Variants in JAK2 observed in about 807,000 individuals in gnomAD.
The protein encoded by JAK2 is Janus kinase 2, also known as tyrosine-protein kinase JAK2.
In JAK2, 86 loss-of-function variants were observed where a neutral mutation model predicts 139.3. That is an observed-to-expected ratio of 0.62 (90% CI 0.52 to 0.74). The LOEUF (loss-of-function observed/expected upper bound fraction) is 0.74, where lower values mean the gene tolerates loss of function less well. Among genes scored for constraint, JAK2 ranks in the 30% least tolerant of loss-of-function variants. JAK2 has a pLI of 0.00. For missense variants in JAK2, 1,421 were observed against 1,360.3 expected (o/e 1.04, Z -0.70); for synonymous variants, 490 against 437.7 (o/e 1.12, Z -1.49).
intron 22 of JAK2, among the ~76,000 whole-genome samples, chr9:5,093,449 G>T (rs540477749): frequency 6.6e-6 from 1 of 152,282 alleles, no homozygotes; most frequent in Non-Finnish European, 1.5e-5. Context: ...TGTCATGAGG[G>T]TTCAGCTGTC....
chr9:5,107,909 A>G (rs1354122537), intron 22 of JAK2: 1 of 152,152 alleles, frequency 6.6e-6, no homozygotes, highest in African/African-American at 2.4e-5. Context: ...TTACACACAA[A>G]ATCTAAATTT....
In JAK2 at chr9:5,050,692, C is replaced by T. The variant is rs201191238; in HGVS notation, c.475C>T (p.His159Tyr). The stretch of plus-strand genomic sequence containing the variant: ...TTCAAATTTTTGGTTTTAGTGGCGG[C>T]ATGATTTTGTGCACGGATGGATAAA... ...VMSYLFAQWR[H>Y]DFVHGWIKVP... Residue 159 changes from histidine (H) to tyrosine (Y), a missense_variant, in exon 6 of 25, where the codon CAT (histidine) becomes TAT (tyrosine). Physicochemically the swap from His to Tyr is moderately conservative, Grantham distance 83. Transcript: ENST00000381652. 1 of 1,611,438 alleles carries T rather than the reference C, an allele frequency of 6.2e-7. No homozygotes were observed. The highest frequency in any genetic ancestry group is 1.3e-5 in the African/African-American group (1 of 74,838).
intron 17 of JAK2, 49 bp downstream of exon 17, chr9:5,080,429 T>C: frequency 2.6e-6 from 4 of 1,552,706 alleles, no homozygotes; most frequent in Non-Finnish European, 3.5e-6. Context: ...TGAACTTTCA[T>C]ATTTCTTTCA....
Position 5,054,743 on chromosome 9 carries a change from C to T in JAK2, c.795C>T (p.Phe265=), listed in dbSNP as rs1817644153. 1 of 1,613,300 alleles carries T rather than the reference C, an allele frequency of 6.2e-7. No homozygotes were observed. The change falls in exon 7 of 25, where the codon TTC becomes TTT. Residue 265 remains phenylalanine (F), a synonymous_variant. Coordinates refer to ENST00000381652, the MANE Select transcript of JAK2 (RefSeq NM_004972.4). The surrounding 1 kb of genome is among the most constrained non-coding windows in gnomAD (Gnocchi z 4.9). ...LINLETLQSA[F]YTEKFEVKEP... The stretch of plus-strand genomic sequence containing the variant: ...ATCTGGAAACTCTGCAGTCTGCCTT[C>T]TACACAGAGAAATTTGAAGTAAAAG...
At chr9:5,064,838 T>C (rs1818454095) in intron 8 of JAK2, 45 bp from the exon 9 acceptor site, 2 of 1,403,800 alleles carry the variant, frequency 1.4e-6, no homozygotes, top group Admixed American at 2.5e-5. Flanking sequence ...TAACATGGAG[T>C]TGACTTTCTA....
rs753281669 is a variant in JAK2, at chr9:5,072,559, A to G, written c.1709A>G (p.Tyr570Cys). The change falls in exon 13 of 25, where the codon TAC becomes TGC. Residue 570 changes from tyrosine to cysteine, a missense_variant. Tyr to Cys is a radical substitution (Grantham distance 194). Transcript: ENST00000381652. The part of the protein sequence containing the change: ...FKGVRREVGD[Y>C]GQLHETEVLL... ...GGCGTACGAAGAGAAGTAGGAGACT[A>G]CGGTCAACTGCATGAAACAGAAGTT... 1 of 1,611,348 alleles carries G rather than the reference A, an allele frequency of 6.2e-7. No individual in the cohort carries two copies. The highest frequency in any genetic ancestry group is 1.1e-5 in the South Asian group (1 of 90,752).
intron 22 of JAK2, chr9:5,100,241 C>T: frequency 6.6e-6 from 1 of 152,120 alleles, no homozygotes. Context: ...ACATAATGAC[C>T]CACCAAACAC....
chr9:5,123,074 C>T lies in JAK2; in HGVS notation c.3130C>T (p.Leu1044=). 5 of 1,611,390 alleles carry T rather than the reference C, an allele frequency of 3.1e-6. No individual in the cohort carries two copies. The highest frequency in any genetic ancestry group is 4.2e-6 in the Non-Finnish European group (5 of 1,178,364). ...AGATGTTTGGAGCTTTGGAGTGGTT[C>T]TGTATGAACTTTTCACATACATTGA... is the stretch of plus-strand genomic sequence containing the variant. ...ASDVWSFGVV[L]YELFTYIEKS... The change falls in exon 23 of 25, where the codon CTG becomes TTG. Residue 1044 remains leucine, a synonymous_variant. Coordinates refer to ENST00000381652, the MANE Select transcript of JAK2 (RefSeq NM_004972.4).
chr9:5,111,664 C>T, intron 22 of JAK2: 1 of 407,150 alleles, frequency 2.5e-6, no homozygotes, highest in Non-Finnish European at 4.8e-6. Flanking sequence ...TCCCGCCCAG[C>T]AGCGGCCCTG....
In JAK2 at chr9:5,050,851, C is replaced by A. The variant is rs761496056; in HGVS notation, c.614+20C>A. On this transcript the variant is annotated intron_variant, in intron 6 of 24. Transcript: ENST00000381652. The stretch of plus-strand genomic sequence containing the variant: ...TATCAGGTAATTTTCTTTTGCAAAT[C>A]CTTACACATAAGTGTGAGTAGAGAT... 6.3e-7 allele frequency: 1 copy of A among 1,595,976 alleles called. No individual in the cohort carries two copies. Among genetic ancestry groups the A allele is most frequent in the South Asian group, 1.1e-5 (1 of 90,446 alleles).
In JAK2 at chr9:5,127,367, AAGC is replaced by A; in HGVS notation, c.*579_*581del. 1 of 232,096 alleles carries A rather than the reference AAGC, an allele frequency of 4.3e-6. No homozygotes were observed. Among genetic ancestry groups the A allele is most frequent in the Non-Finnish European group, 8.6e-6 (1 of 116,946 alleles). The allele number at this position is 232,096 out of a possible 1,614,324, so 14.4% of individuals were successfully genotyped here. A position where few individuals can be genotyped will look rare whatever the true frequency, so the allele number is the denominator to read the frequency against. On this transcript the variant is annotated 3_prime_UTR_variant, in exon 25 of 25. Transcript: ENST00000381652. ...CATTTATATCGCTGGCCAGCATTAT[AAGC>A]AGGTGTATACTTTTAGCTTGTAGTT...
rs1427777798 is a variant in JAK2, at chr9:5,127,240, CTGT to C, written c.*451_*453del. ...ACATGAGGGCTGGTGTTCATTAATA[CTGT>C]TTTCTAATTTTTCCATAGTTAATCT... On this transcript the variant is annotated 3_prime_UTR_variant, in exon 25 of 25. Transcript: ENST00000381652. The C allele has an allele frequency of 4.3e-6, 1 of 232,402 alleles. No homozygotes were observed. The highest frequency in any genetic ancestry group is 8.5e-6 in the Non-Finnish European group (1 of 117,248). 14.4% of individuals were successfully genotyped at this position (232,402 alleles called of 1,614,324 possible).
chr9:5,041,008 C>G, intron 4 of JAK2: 1 of 657,226 alleles, frequency 1.5e-6, no homozygotes, highest in Non-Finnish European at 2.8e-6. Context: ...GTTCCGGACC[C>G]CGCAGCTGCA....
At chr9:5,035,475 A>T (rs1290663129) in intron 4 of JAK2, among the ~76,000 whole-genome samples, 1 of 152,230 alleles carries the variant, frequency 6.6e-6, no homozygotes, top group African/African-American at 2.4e-5. Flanking sequence ...ATTGATGCAA[A>T]AATCCTCAAC....
intron 22 of JAK2, among the ~76,000 whole-genome samples, chr9:5,101,627 G>C (rs1333649460): frequency 6.6e-6 from 1 of 152,206 alleles, no homozygotes; most frequent in African/African-American, 2.4e-5. Context: ...TCCCAGTAGA[G>C]GCCAACTGAC....
chr9:5,043,990 A>T (rs1009348145), intron 4 of JAK2, among the ~76,000 whole-genome samples: 1 of 152,242 alleles, frequency 6.6e-6, no homozygotes, highest in Admixed American at 6.5e-5. Context: ...AAGACAATAT[A>T]GAGTGTTCTT....
intron 4 of JAK2, among the ~76,000 whole-genome samples, chr9:5,033,480 C>T (rs923900523): frequency 1.3e-5 from 2 of 152,174 alleles, no homozygotes; most frequent in East Asian, 1.9e-4. Context: ...ATGTTAAGGG[C>T]AGCCAGAGAG....
At position 5,021,945 on chromosome 9, in the gene JAK2, T is replaced by G. The variant is rs533918939; in HGVS notation, c.-25-18T>G. ...ACTGCGCCCAGCCCATTTGTAACTT[T>G]ATTGTTTTCTCTTACAGGCAAATGT... On this transcript the variant is annotated intron_variant, in intron 2 of 24. Transcript: ENST00000381652. 6.8e-7 allele frequency: 1 copy of G among 1,470,876 alleles called. No homozygotes were observed. The highest frequency in any genetic ancestry group is 2.3e-5 in the East Asian group (1 of 44,114). 91.1% of individuals were successfully genotyped at this position (1,470,876 alleles called of 1,614,324 possible).
chr9:5,024,602 G>T (rs1271106935), intron 3 of JAK2, among the ~76,000 whole-genome samples: 1 of 152,048 alleles, frequency 6.6e-6, no homozygotes, highest in African/African-American at 2.4e-5. Flanking sequence ...GCTTTTCAGT[G>T]CTGTCATTTC....
Sources: allele counts gnomAD v4.1 joint callset (sites outside exome capture counted in the v4.1 genomes callset), GRCh38; gene constraint gnomAD v4.1.1; non-coding constraint Gnocchi (gnomAD v3.1); transcripts MANE v1.5; gene names NCBI Gene and HGNC (gene_info 2026-07-23, HGNC 2026-07-21).